Variants in PLCB4 observed in about 807,000 individuals in gnomAD.
PLCB4 encodes the protein 1-phosphatidylinositol 4,5-bisphosphate phosphodiesterase beta-4.
In PLCB4, 77 loss-of-function variants were observed where a neutral mutation model predicts 178.8. The ratio of observed to expected loss-of-function variants is 0.43; its 90% CI spans 0.36 to 0.52. The LOEUF (loss-of-function observed/expected upper bound fraction) is 0.52. Ranked by LOEUF, PLCB4 falls within the 20% of genes least tolerant of loss-of-function variation. The probability of loss-of-function intolerance (pLI) is 0.00; values close to 1 mark genes in which losing one functional copy is unlikely to be tolerated. For synonymous variants in PLCB4, 496 were observed against 490.8 expected (o/e 1.01, Z -0.14); for missense variants, 1,024 against 1,453.4 (o/e 0.70, Z 4.80).
At chr20:9,291,099 G>A (rs888366156) in intron 3 of PLCB4, among the ~76,000 whole-genome samples, 1 of 152,206 alleles carries the variant, frequency 6.6e-6, no homozygotes, top group African/African-American at 2.4e-5. Context: ...TGTGGAAATA[G>A]TGTAATATAT....
chr20:9,468,377 C>CTA (rs765133681), intron 35 of PLCB4, among the ~76,000 whole-genome samples, 194 bp from the exon 36 acceptor site: 24 of 151,956 alleles, frequency 1.6e-4, no homozygotes, highest in Non-Finnish European at 2.8e-4. Context: ...TAAATTATGT[C>CTA]TATATATATA....
intron 28 of PLCB4, among the ~76,000 whole-genome samples, chr20:9,430,281 C>T (rs1218971160): frequency 3.3e-5 from 5 of 152,280 alleles, no homozygotes; most frequent in East Asian, 1.9e-4. Flanking sequence ...TTCAAATAGC[C>T]TGCTAACTTT....
At chr20:9,119,862 T>G (rs571843268) in intron 2 of PLCB4, among the ~76,000 whole-genome samples, 33 of 152,202 alleles carry the variant, frequency 2.2e-4, no homozygotes, top group Non-Finnish European at 4.6e-4. Context: ...GCTGTTGCCT[T>G]AGGCAGTGTA....
chr20:9,262,821 G>A (rs2094311334), intron 3 of PLCB4, among the ~76,000 whole-genome samples: 1 of 152,140 alleles, frequency 6.6e-6, no homozygotes, highest in Admixed American at 6.5e-5. Flanking sequence ...GAATTTGCAG[G>A]CACTCTCTCA....
intron 8 of PLCB4, among the ~76,000 whole-genome samples, chr20:9,365,145 A>G (rs1196167990): frequency 6.6e-6 from 1 of 152,216 alleles, no homozygotes; most frequent in African/African-American, 2.4e-5. Context: ...GATAAAATAG[A>G]GGACACTTAG....
intron 7 of PLCB4, among the ~76,000 whole-genome samples, chr20:9,342,502 A>T (rs1337395547): frequency 2.0e-5 from 3 of 152,228 alleles, no homozygotes; most frequent in Non-Finnish European, 4.4e-5. Context: ...AGTCAATTCG[A>T]GCAAGTAATC....
At chr20:9,099,982 G>A (rs1043382226) in intron 2 of PLCB4, among the ~76,000 whole-genome samples, 1 of 152,132 alleles carries the variant, frequency 6.6e-6, no homozygotes, top group African/African-American at 2.4e-5. Flanking sequence ...TGTGAAGCTG[G>A]GTGGATAAAA....
chr20:9,386,462 T>C lies in PLCB4; in HGVS notation c.1065-1001T>C, dbSNP rs1042244554. Reference sequence around the variant, plus strand: ...TTACATTATGTTTTTTTCTTGGTTATAAATTAAACAATACTTTATTTTTTT... The same window carrying C: ...TTACATTATGTTTTTTTCTTGGTTACAAATTAAACAATACTTTATTTTTTT... On this transcript the variant is annotated intron_variant, in intron 14 of 39. Coordinates refer to ENST00000378473, the MANE Select transcript of PLCB4 (RefSeq NM_001377142.1). Among the ~76,000 whole-genome samples, 4 of 152,248 alleles carry C rather than the reference T, an allele frequency of 2.6e-5. No individual in the cohort carries two copies. In the East Asian group the frequency reaches 7.7e-4, roughly 29 times the overall value.
At chr20:9,327,753 GT>G (rs1347710038) in intron 4 of PLCB4, among the ~76,000 whole-genome samples, 3 of 152,042 alleles carry the variant, frequency 2.0e-5, no homozygotes, top group Admixed American at 1.3e-4. Flanking sequence ...TCCAGCCTGG[GT>G]GACAGAGCGA....
intron 20 of PLCB4, among the ~76,000 whole-genome samples, chr20:9,404,117 C>G (rs149961435): frequency 7.0e-4 from 107 of 152,130 alleles, no homozygotes; most frequent in African/African-American, 2.6e-3. Flanking sequence ...TGTTTGAAAA[C>G]TTGGAAGTGG....
chr20:9,429,970 T>C (rs952022176), intron 28 of PLCB4, among the ~76,000 whole-genome samples: 1 of 152,188 alleles, frequency 6.6e-6, no homozygotes, highest in Non-Finnish European at 1.5e-5. Context: ...GTATCCAATC[T>C]TTTGGCTTCC....
intron 3 of PLCB4, among the ~76,000 whole-genome samples, chr20:9,239,429 C>G (rs535774382): frequency 6.6e-6 from 1 of 152,304 alleles, no homozygotes; most frequent in Admixed American, 6.5e-5. Flanking sequence ...CAGTTCATGG[C>G]TGACCCCTAT....
intron 2 of PLCB4, among the ~76,000 whole-genome samples, chr20:9,161,453 C>T (rs112884609): frequency 1.1e-3 from 175 of 152,328 alleles, no homozygotes; most frequent in African/African-American, 3.9e-3. Context: ...CTGATGCCAA[C>T]CCAGGTTTGT....
At chr20:9,161,494 T>C (rs556156607) in intron 2 of PLCB4, among the ~76,000 whole-genome samples, 1 of 152,338 alleles carries the variant, frequency 6.6e-6, no homozygotes, top group East Asian at 1.9e-4. Context: ...TTACCTACCA[T>C]GTTGTGCTGT....
intron 2 of PLCB4, among the ~76,000 whole-genome samples, chr20:9,202,643 G>A (rs1256092248): frequency 6.6e-6 from 1 of 152,152 alleles, no homozygotes; most frequent in Admixed American, 6.5e-5. Flanking sequence ...TATCCTTAGA[G>A]GGACCTTGCC....
chr20:9,396,753 T>G (rs913300315), intron 19 of PLCB4, among the ~76,000 whole-genome samples: 1 of 152,210 alleles, frequency 6.6e-6, no homozygotes, highest in Non-Finnish European at 1.5e-5. Flanking sequence ...TGTTTCCCAA[T>G]GCATACAGAA....
At chr20:9,421,241 G>T in intron 26 of PLCB4, 56 bp from the exon 27 acceptor site, 3 of 1,323,430 alleles carry the variant, frequency 2.3e-6, no homozygotes, top group Middle Eastern at 2.3e-4. Flanking sequence ...ATTATTTTTT[G>T]CTACTGATGC....
intron 4 of PLCB4, among the ~76,000 whole-genome samples, chr20:9,321,179 G>GA: frequency 6.6e-6 from 1 of 152,164 alleles, no homozygotes; most frequent in Non-Finnish European, 1.5e-5. Flanking sequence ...ACCCTCAGGT[G>GA]GTGGTGAGGG....
chr20:9,389,841 C>G (rs1387306381), intron 15 of PLCB4, 38 bp from the exon 16 acceptor site: 1,925 of 1,010,488 alleles, frequency 1.9e-3, no homozygotes, highest in Non-Finnish European at 2.7e-3. Context: ...AATTTTTTTG[C>G]TCTTTTCTCT....
Sources: gnomAD v4.1 joint callset for allele counts (sites outside exome capture counted in the v4.1 genomes callset) on GRCh38, gnomAD v4.1.1 for gene constraint, MANE v1.5 for transcripts, NCBI Gene and HGNC (gene_info 2026-07-23, HGNC 2026-07-21) for gene names.